KHDRBS2: variants seen among roughly 807,000 people sequenced by gnomAD.
The protein encoded by KHDRBS2 is KH RNA binding domain containing, signal transduction associated 2, also known as KH domain-containing, RNA-binding, signal transduction-associated protein 2.
Under a neutral mutation model 44.3 loss-of-function variants are expected in KHDRBS2, and 26 were observed. That is an observed-to-expected ratio of 0.59 (90% CI 0.43 to 0.81). The LOEUF (loss-of-function observed/expected upper bound fraction) is 0.81. KHDRBS2 is among the 40% of genes least tolerant of loss of function. The pLI is 0.00. For missense variants in KHDRBS2, 476 were observed against 433.1 expected, an observed-to-expected ratio of 1.10 and a Z score of -0.88; for synonymous variants, 194 against 151.1, an observed-to-expected ratio of 1.28 and a Z score of -2.08.
the KHDRBS2 span, among the ~76,000 whole-genome samples, chr6:61,607,153 A>C: frequency 1.3e-5 from 2 of 152,052 alleles, no homozygotes; most frequent in Non-Finnish European, 1.5e-5. Flanking sequence ...AGGACAAAGT[A>C]GAGATTTTGG....
Position 61,680,815 on chromosome 6 carries a change from A to G in KHDRBS2, c.*148T>C. 1 of 577,392 alleles carries G rather than the reference A, an allele frequency of 1.7e-6. No homozygotes were observed. The allele number at this position is 577,392 out of a possible 1,614,324, so 35.8% of individuals were successfully genotyped here. ...CGCCAACAGTACAGAGGGAAATACT[A>G]GAAATATATGGGAGTAATCATGAGC... On this transcript the variant is annotated 3_prime_UTR_variant, in exon 9 of 9. Transcript: ENST00000281156.
chr6:61,679,880 C>A (rs1262513157), downstream of KHDRBS2: 1 of 151,862 alleles, frequency 6.6e-6, no homozygotes, highest in Non-Finnish European at 1.5e-5. Context: ...TCTTTATACT[C>A]CATTACTCTT....
chr6:61,815,378 T>G (rs1788753739), intron 6 of KHDRBS2, among the ~76,000 whole-genome samples: 1 of 152,186 alleles, frequency 6.6e-6, no homozygotes, highest in South Asian at 2.1e-4. Flanking sequence ...AGCAGGAAAC[T>G]GAAACTGCAG....
At chr6:61,974,162 G>A (rs952386838) in intron 4 of KHDRBS2, among the ~76,000 whole-genome samples, 5 of 152,030 alleles carry the variant, frequency 3.3e-5, no homozygotes, top group Non-Finnish European at 5.9e-5. Flanking sequence ...AGCCAATTTA[G>A]GAAAATAAAA....
intron 7 of KHDRBS2, among the ~76,000 whole-genome samples, chr6:61,731,941 A>G (rs1774522629): frequency 6.6e-6 from 1 of 152,096 alleles, no homozygotes; most frequent in South Asian, 2.1e-4. Context: ...AAACTATGGT[A>G]ACAAAAAACA....
At chr6:62,172,397 A>G (rs1820197036) in intron 2 of KHDRBS2, among the ~76,000 whole-genome samples, 1 of 152,120 alleles carries the variant, frequency 6.6e-6, no homozygotes, top group Admixed American at 6.6e-5. Flanking sequence ...TCCTAAGCAT[A>G]TATGCATGCA....
chr6:61,707,113 CTT>C (rs1453109490), intron 7 of KHDRBS2, among the ~76,000 whole-genome samples: 1 of 151,574 alleles, frequency 6.6e-6, no homozygotes, highest in African/African-American at 2.4e-5. Flanking sequence ...AAGGAGTAAT[CTT>C]TGGAAATTCA....
chr6:61,954,758 A>ACG (rs1562512550), intron 4 of KHDRBS2, among the ~76,000 whole-genome samples: 7 of 106,046 alleles, frequency 6.6e-5, no homozygotes, highest in African/African-American at 2.4e-4. Flanking sequence ...ACACATGCAT[A>ACG]TGTATGTATA....
At chr6:61,554,525 G>C in the KHDRBS2 span, among the ~76,000 whole-genome samples, 1 of 151,664 alleles carries the variant, frequency 6.6e-6, no homozygotes, top group African/African-American at 2.4e-5. Flanking sequence ...GGTTAGTATT[G>C]ACATGTGCAA....
chr6:62,178,044 T>G (rs1160652891), intron 1 of KHDRBS2, among the ~76,000 whole-genome samples: 1 of 151,520 alleles, frequency 6.6e-6, no homozygotes, highest in Non-Finnish European at 1.5e-5. Context: ...GTCTCTGTTT[T>G]TATAGACTCT....
At position 61,839,784 on chromosome 6, in the gene KHDRBS2, T is replaced by C. The variant is rs571501792; in HGVS notation, c.810+54851A>G. ...GAAAGAATGAAGCAGAAATGCTGCC[T>C]GAACAGAGAAAGAATATTGTATGGA... On this transcript the variant is annotated intron_variant, in intron 6 of 8. Coordinates refer to ENST00000281156, the MANE Select transcript of KHDRBS2 (RefSeq NM_152688.4). Among the ~76,000 whole-genome samples the C allele has an allele frequency of 7.8e-4, 119 of 152,174 alleles. 1 individual carries two copies. Among genetic ancestry groups the C allele is most frequent in the African/African-American group, 7.2e-5 (3 of 41,560 alleles).
At chr6:62,087,823 G>A (rs1290382625) in intron 2 of KHDRBS2, among the ~76,000 whole-genome samples, 2 of 152,120 alleles carry the variant, frequency 1.3e-5, no homozygotes, top group Non-Finnish European at 2.9e-5. Context: ...TCACCTTCAG[G>A]TACACCAATC....
intron 2 of KHDRBS2, among the ~76,000 whole-genome samples, chr6:62,107,573 C>T (rs1803760828): frequency 6.6e-6 from 1 of 152,108 alleles, no homozygotes. Context: ...TGACTTTCTT[C>T]ACAGAATTGG....
At chr6:62,103,082 C>A (rs1802273309) in intron 2 of KHDRBS2, among the ~76,000 whole-genome samples, 1 of 152,074 alleles carries the variant, frequency 6.6e-6, no homozygotes, top group Admixed American at 6.5e-5. Context: ...CATGGACAGC[C>A]ATGGGAAGGC....
intron 2 of KHDRBS2, among the ~76,000 whole-genome samples, chr6:62,097,089 G>C (rs1446288040): frequency 6.6e-6 from 1 of 151,538 alleles, no homozygotes; most frequent in Non-Finnish European, 1.5e-5. Context: ...GGTTAGAAAA[G>C]ATACCTGATA....
At chr6:61,751,318 T>C (rs1777655755) in intron 6 of KHDRBS2, among the ~76,000 whole-genome samples, 1 of 152,312 alleles carries the variant, frequency 6.6e-6, no homozygotes, top group African/African-American at 2.4e-5. Flanking sequence ...ACATTTGTAA[T>C]CATCTGAGTT....
chr6:61,735,848 A>C (rs1368751628), intron 6 of KHDRBS2, among the ~76,000 whole-genome samples: 1 of 152,096 alleles, frequency 6.6e-6, no homozygotes, highest in African/African-American at 2.4e-5. Flanking sequence ...GCTTTGGTAC[A>C]ATATTTTTAC....
intron 2 of KHDRBS2, among the ~76,000 whole-genome samples, chr6:62,052,149 G>T (rs2127314041): frequency 6.6e-6 from 1 of 151,932 alleles, no homozygotes; most frequent in Non-Finnish European, 1.5e-5. Context: ...ATACCCAAAG[G>T]AAATAAAAAT....
At chr6:61,545,895 G>A in the KHDRBS2 span, among the ~76,000 whole-genome samples, 14 of 152,174 alleles carry the variant, frequency 9.2e-5, no homozygotes, top group South Asian at 2.3e-3. Context: ...GAAGGCAGCC[G>A]TCTTCAACCC....
Sources: gnomAD v4.1 joint callset for allele counts (sites outside exome capture counted in the v4.1 genomes callset) on GRCh38, gnomAD v4.1.1 for gene constraint, MANE v1.5 for transcripts, NCBI Gene and HGNC (gene_info 2026-07-23, HGNC 2026-07-21) for gene names.